FBXL17: variants seen among roughly 807,000 people sequenced by gnomAD.
FBXL17 encodes the protein F-box and leucine rich repeat protein 17, also known as F-box/LRR-repeat protein 17.
In FBXL17, 22 loss-of-function variants were observed where a neutral mutation model predicts 66.2. That is an observed-to-expected ratio of 0.33 (90% CI 0.24 to 0.47). The LOEUF (loss-of-function observed/expected upper bound fraction) is 0.47, where lower values mean the gene tolerates loss of function less well. Ranked by LOEUF, FBXL17 falls within the 20% of genes least tolerant of loss-of-function variation. The probability of loss-of-function intolerance (pLI) is 1.00; values close to 1 mark genes in which losing one functional copy is unlikely to be tolerated. For synonymous variants in FBXL17, 474 were observed against 400.5 expected (o/e 1.18, Z -2.19); for missense variants, 878 against 948.2 (o/e 0.93, Z 0.97).
At chr5:108,038,195 C>A (rs1196250281) in intron 6 of FBXL17, among the ~76,000 whole-genome samples, 2 of 151,944 alleles carry the variant, frequency 1.3e-5, no homozygotes. Flanking sequence ...AATAAGTAAG[C>A]TGAAAAGGGC....
chr5:108,015,192 A>G (rs1359216192), intron 7 of FBXL17, among the ~76,000 whole-genome samples: 1 of 152,236 alleles, frequency 6.6e-6, no homozygotes, highest in Admixed American at 6.5e-5. Context: ...AGAAATGGAG[A>G]GAAATAACTT....
At chr5:107,915,034 A>C (rs1342832526) in intron 7 of FBXL17, among the ~76,000 whole-genome samples, 1 of 152,074 alleles carries the variant, frequency 6.6e-6, no homozygotes, top group African/African-American at 2.4e-5. Context: ...ACTACACTTT[A>C]GTCTTTGATG....
At chr5:108,178,038 T>A (rs1224626602) in intron 6 of FBXL17, among the ~76,000 whole-genome samples, 1 of 151,688 alleles carries the variant, frequency 6.6e-6, no homozygotes, top group African/African-American at 2.4e-5. Context: ...GTATCTTATT[T>A]TTTTTGAGAC....
chr5:108,203,523 T>C (rs1274004900), intron 5 of FBXL17, among the ~76,000 whole-genome samples: 1 of 152,176 alleles, frequency 6.6e-6, no homozygotes, highest in Non-Finnish European at 1.5e-5. Flanking sequence ...AAAAGCATGG[T>C]CATCCAAAAA....
intron 6 of FBXL17, among the ~76,000 whole-genome samples, chr5:108,079,239 T>C (rs908185684): frequency 3.9e-5 from 6 of 151,950 alleles, no homozygotes; most frequent in African/African-American, 1.5e-4. Flanking sequence ...CCCCTATAAA[T>C]GCTTATTAGA....
intron 4 of FBXL17, among the ~76,000 whole-genome samples, chr5:108,326,419 CCT>C (rs1210420068): frequency 2.6e-5 from 4 of 151,394 alleles, no homozygotes; most frequent in East Asian, 1.9e-4. Flanking sequence ...ATGGTGAAAC[CCT>C]GTCTCTACTA....
intron 4 of FBXL17, among the ~76,000 whole-genome samples, chr5:108,319,150 C>A (rs1250486012): frequency 6.6e-6 from 1 of 151,882 alleles, no homozygotes; most frequent in African/African-American, 2.4e-5. Flanking sequence ...ACTTATTTAT[C>A]TTCTGTGTAA....
chr5:108,332,037 A>C (rs370325997), intron 4 of FBXL17, among the ~76,000 whole-genome samples: 2 of 152,322 alleles, frequency 1.3e-5, no homozygotes, highest in African/African-American at 4.8e-5. Context: ...TTGATTAAAA[A>C]CTAGTAAAAA....
chr5:107,861,568 G>A lies in FBXL17; in HGVS notation c.*152C>T. The A allele has an allele frequency of 1.7e-6, 1 of 597,582 alleles. No individual in the cohort carries two copies. The highest frequency in any genetic ancestry group is 2.5e-6 in the Non-Finnish European group (1 of 408,150). The allele number at this position is 597,582 out of a possible 1,614,324, so 37.0% of individuals were successfully genotyped here. A position where few individuals can be genotyped will look rare whatever the true frequency, so the allele number is the denominator to read the frequency against. On this transcript the variant is annotated 3_prime_UTR_variant, in exon 9 of 9. Transcript: ENST00000542267. ...GGGAACAAATGACAACTGCACTTTT[G>A]GTATGCAGTATGCAAACAAGACACA...
At chr5:108,360,734 G>C (rs1478383740) in intron 3 of FBXL17, among the ~76,000 whole-genome samples, 2 of 151,964 alleles carry the variant, frequency 1.3e-5, no homozygotes, top group East Asian at 3.9e-4. Flanking sequence ...TTTTCTGCTT[G>C]ATGGATGTCC....
intron 7 of FBXL17, among the ~76,000 whole-genome samples, chr5:107,903,960 T>C (rs903800347): frequency 2.0e-5 from 3 of 152,176 alleles, no homozygotes; most frequent in Admixed American, 6.6e-5. Context: ...ATCCAAGTAC[T>C]ACAAGGGCAG....
chr5:108,063,999 TA>T (rs1748023771), intron 6 of FBXL17, among the ~76,000 whole-genome samples: 1 of 152,178 alleles, frequency 6.6e-6, no homozygotes, highest in African/African-American at 2.4e-5. Flanking sequence ...TAGTTTTAAT[TA>T]TTTTTTCCTT....
chr5:107,862,338 C>T (rs767480134), intron 8 of FBXL17, among the ~76,000 whole-genome samples: 18 of 151,568 alleles, frequency 1.2e-4, no homozygotes, highest in Non-Finnish European at 2.5e-4. Context: ...TAAGGTACGG[C>T]AAACTTCAAG....
intron 7 of FBXL17, among the ~76,000 whole-genome samples, chr5:107,903,409 G>A (rs1749640796): frequency 6.6e-6 from 1 of 152,148 alleles, no homozygotes; most frequent in Non-Finnish European, 1.5e-5. Context: ...ACACTGCAAT[G>A]TATTAAGGTA....
intron 6 of FBXL17, among the ~76,000 whole-genome samples, chr5:108,045,821 C>T (rs938096107): frequency 6.6e-6 from 1 of 152,148 alleles, no homozygotes; most frequent in African/African-American, 2.4e-5. Context: ...TGTGGTCAGA[C>T]AATACAATCC....
chr5:107,984,019 G>A (rs1023121604), intron 7 of FBXL17, among the ~76,000 whole-genome samples: 1 of 152,208 alleles, frequency 6.6e-6, no homozygotes, highest in Middle Eastern at 3.4e-3. Flanking sequence ...TCAAACATAA[G>A]TGATTTTTAT....
chr5:108,357,386 T>C (rs979400963), intron 3 of FBXL17, among the ~76,000 whole-genome samples: 1 of 152,048 alleles, frequency 6.6e-6, no homozygotes, highest in Non-Finnish European at 1.5e-5. Flanking sequence ...AACTTCACTA[T>C]TAGAGACCTT....
chr5:108,209,721 A>C (rs1754284870), intron 5 of FBXL17, among the ~76,000 whole-genome samples: 1 of 152,108 alleles, frequency 6.6e-6, no homozygotes, highest in Admixed American at 6.6e-5. Context: ...CCAGTATTTT[A>C]TTGAGGATTT....
chr5:108,226,098 T>C (rs1309207913), intron 4 of FBXL17, among the ~76,000 whole-genome samples: 1 of 152,186 alleles, frequency 6.6e-6, no homozygotes, highest in African/African-American at 2.4e-5. Context: ...ATTTTCTTCA[T>C]AACACTTATC....
Sources: allele counts gnomAD v4.1 joint callset (sites outside exome capture counted in the v4.1 genomes callset), GRCh38; gene constraint gnomAD v4.1.1; transcripts MANE v1.5; gene names NCBI Gene and HGNC (gene_info 2026-07-23, HGNC 2026-07-21).